PPP2R3A: variants seen among roughly 807,000 people sequenced by gnomAD.
PPP2R3A encodes serine/threonine-protein phosphatase 2A regulatory subunit B'' subunit alpha.
Under a neutral mutation model 106.9 loss-of-function variants are expected in PPP2R3A, and 80 were observed. That is an observed-to-expected ratio of 0.75 (90% confidence interval 0.62 to 0.90). The LOEUF is 0.90. Among genes scored for constraint, PPP2R3A ranks in the 40% least tolerant of loss-of-function variants. The pLI, the probability that PPP2R3A is intolerant of heterozygous loss-of-function variation, is 0.00. For missense variants in PPP2R3A, 1,386 were observed against 1,350.4 expected, an observed-to-expected ratio of 1.03 and a Z score of -0.41; for synonymous variants, 483 against 468.3, an observed-to-expected ratio of 1.03 and a Z score of -0.41.
chr3:136,060,986 TG>T (rs1411955485), intron 5 of PPP2R3A, among the ~76,000 whole-genome samples: 1 of 152,124 alleles, frequency 6.6e-6, no homozygotes, highest in Non-Finnish European at 1.5e-5. Flanking sequence ...ACACTGTAAA[TG>T]ATAAATTGTA....
chr3:136,090,993 G>A (rs971927356), intron 10 of PPP2R3A, among the ~76,000 whole-genome samples: 2 of 152,166 alleles, frequency 1.3e-5, no homozygotes, highest in African/African-American at 4.8e-5. Context: ...CTGGTTGAAT[G>A]GTAAACCATT....
At chr3:135,993,445 G>A (rs1933259281) in intron 1 of PPP2R3A, among the ~76,000 whole-genome samples, 1 of 152,182 alleles carries the variant, frequency 6.6e-6, no homozygotes. Flanking sequence ...GTGCTGCTAA[G>A]GGTATAAAAT....
At chr3:136,078,278 G>T in intron 6 of PPP2R3A, 89 bp from the exon 7 acceptor site, 1 of 847,958 alleles carries the variant, frequency 1.2e-6, no homozygotes, top group Non-Finnish European at 1.9e-6. Context: ...AAGTTAAATT[G>T]GTCCCAAGTA....
At chr3:135,989,723 C>T (rs1225992969) in intron 1 of PPP2R3A, among the ~76,000 whole-genome samples, 1 of 152,096 alleles carries the variant, frequency 6.6e-6, no homozygotes, top group Non-Finnish European at 1.5e-5. Flanking sequence ...TACAGCCTAA[C>T]TTGCCTTACT....
intron 10 of PPP2R3A, among the ~76,000 whole-genome samples, 166 bp downstream of exon 10, chr3:136,090,833 C>T (rs1236851769): frequency 6.6e-6 from 1 of 152,196 alleles, no homozygotes; most frequent in Non-Finnish European, 1.5e-5. Context: ...GAGATTGGCA[C>T]TGAATCCATG....
At chr3:136,015,289 A>G (rs150444023) in intron 2 of PPP2R3A, among the ~76,000 whole-genome samples, 1,647 of 150,780 alleles carry the variant, frequency 0.011, 25 homozygotes, top group African/African-American at 0.033. Flanking sequence ...TAGTTTTTTT[A>G]TGTCCTTTCC....
At chr3:135,982,816 A>T (rs576720298) in intron 1 of PPP2R3A, among the ~76,000 whole-genome samples, 2 of 152,280 alleles carry the variant, frequency 1.3e-5, no homozygotes, top group Admixed American at 1.3e-4. Flanking sequence ...ATAATATTGA[A>T]TGAAAAATTT....
At chr3:136,137,251 T>G (rs1437454703) in intron 13 of PPP2R3A, among the ~76,000 whole-genome samples, 62 of 152,168 alleles carry the variant, frequency 4.1e-4, no homozygotes, top group Non-Finnish European at 1.5e-4. Flanking sequence ...TTCTGCCAAT[T>G]TGACTAATAC....
intron 2 of PPP2R3A, among the ~76,000 whole-genome samples, chr3:136,012,350 G>A (rs528917820): frequency 3.3e-5 from 5 of 152,220 alleles, no homozygotes; most frequent in East Asian, 3.9e-4. Context: ...CCAAGTATTA[G>A]GAACACTGAA....
chr3:135,990,248 A>G (rs1277752003), intron 1 of PPP2R3A, among the ~76,000 whole-genome samples: 1 of 152,078 alleles, frequency 6.6e-6, no homozygotes, highest in Non-Finnish European at 1.5e-5. Context: ...TTCTTTTACA[A>G]TAGGTTCTTG....
At chr3:136,026,685 T>G in intron 2 of PPP2R3A, 147 bp from the exon 3 acceptor site, 1 of 637,948 alleles carries the variant, frequency 1.6e-6, no homozygotes, top group Non-Finnish European at 2.5e-6. Flanking sequence ...AAGCATTCCC[T>G]AGAAACATGC....
At chr3:135,988,902 G>GGC (rs2107770471) in intron 1 of PPP2R3A, among the ~76,000 whole-genome samples, 1 of 152,230 alleles carries the variant, frequency 6.6e-6, no homozygotes, top group Admixed American at 6.5e-5. Context: ...CATTTTGGGA[G>GGC]GCACCTATTG....
At chr3:136,077,394 G>C (rs939032199) in intron 6 of PPP2R3A, among the ~76,000 whole-genome samples, 1 of 151,918 alleles carries the variant, frequency 6.6e-6, no homozygotes, top group Non-Finnish European at 1.5e-5. Flanking sequence ...TGTTCTTCTC[G>C]CACCAAAATA....
chr3:136,111,116 A>G (rs1375969416), intron 13 of PPP2R3A, among the ~76,000 whole-genome samples: 1 of 152,230 alleles, frequency 6.6e-6, no homozygotes, highest in East Asian at 1.9e-4. Flanking sequence ...GCAAGAAGGT[A>G]AATGGATCCT....
chr3:136,097,068 A>T (rs544833004), intron 10 of PPP2R3A, among the ~76,000 whole-genome samples: 1 of 152,360 alleles, frequency 6.6e-6, no homozygotes, highest in South Asian at 2.1e-4. Context: ...TATTGGTGGT[A>T]AATATAGCAG....
At chr3:136,047,458 A>C (rs1348037055) in intron 4 of PPP2R3A, among the ~76,000 whole-genome samples, 1 of 152,268 alleles carries the variant, frequency 6.6e-6, no homozygotes, top group Non-Finnish European at 1.5e-5. Context: ...ACTACTAAGC[A>C]GCCGTAAAAA....
At chr3:136,062,147 C>T (rs1368837941) in intron 5 of PPP2R3A, among the ~76,000 whole-genome samples, 1 of 152,132 alleles carries the variant, frequency 6.6e-6, no homozygotes, top group Non-Finnish European at 1.5e-5. Context: ...GATTCCTGGA[C>T]ATTCATGGAC....
chr3:136,137,014 G>A (rs985100623), intron 13 of PPP2R3A, among the ~76,000 whole-genome samples: 9 of 152,106 alleles, frequency 5.9e-5, no homozygotes, highest in African/African-American at 1.7e-4. Flanking sequence ...CTCAACCCTC[G>A]TAAGAGAAGC....
At position 136,026,969 on chromosome 3, in the gene PPP2R3A, G is replaced by T; in HGVS notation, c.2133G>T (p.Arg711=). The T allele has an allele frequency of 1.2e-6, 2 of 1,613,714 alleles. No individual in the cohort carries two copies. Among genetic ancestry groups the T allele is most frequent in the Non-Finnish European group, 1.7e-6 (2 of 1,179,694 alleles). Reference sequence around the variant, plus strand: ...CGCCATTGTCCATAAACATTCCACGGTTCTACTTTCCTGAAGGACTCCCAG... The same window carrying T: ...CGCCATTGTCCATAAACATTCCACGTTTCTACTTTCCTGAAGGACTCCCAG... ...VNAPLSINIP[R]FYFPEGLPDT... Residue 711 remains arginine (R), a synonymous_variant, in exon 3 of 14, where the codon CGG becomes CGT. Coordinates refer to ENST00000264977, the MANE Select transcript of PPP2R3A (RefSeq NM_002718.5).
Sources: gnomAD v4.1 joint callset for allele counts (sites outside exome capture counted in the v4.1 genomes callset) on GRCh38, gnomAD v4.1.1 for gene constraint, MANE v1.5 for transcripts, NCBI Gene and HGNC (gene_info 2026-07-23, HGNC 2026-07-21) for gene names.